RIPOR3: variants seen among roughly 807,000 people sequenced by gnomAD.
RIPOR3 encodes the protein RIPOR family member 3.
In RIPOR3, 95 loss-of-function variants were observed where a neutral mutation model predicts 114.3. The observed-to-expected ratio is 0.83, with a 90% CI of 0.70 to 0.99. RIPOR3 has a LOEUF of 0.99. Ranked by LOEUF, RIPOR3 falls within the 50% of genes least tolerant of loss-of-function variation. The probability of loss-of-function intolerance (pLI) is 0.00; values close to 1 mark genes in which losing one functional copy is unlikely to be tolerated. For missense variants in RIPOR3, 1,252 were observed against 1,266.9 expected, an observed-to-expected ratio of 0.99 and a Z score of 0.18; for synonymous variants, 575 against 543.8, an observed-to-expected ratio of 1.06 and a Z score of -0.80.
chr20:50,587,740 T>C, intron 21 of RIPOR3, 62 bp downstream of exon 21: 2 of 1,520,062 alleles, frequency 1.3e-6, no homozygotes, highest in Non-Finnish European at 9.1e-7. Context: ...GGGTGTGGCC[T>C]CTCGCAGATT....
At chr20:50,638,378 T>C (rs1188996920) in intron 1 of RIPOR3, among the ~76,000 whole-genome samples, 1 of 152,228 alleles carries the variant, frequency 6.6e-6, no homozygotes, top group Admixed American at 6.5e-5. Context: ...GGGAGGCCGC[T>C]TCCCTCTGTC....
chr20:50,587,347 G>A lies in RIPOR3; in HGVS notation c.2753-15C>T. The A allele has an allele frequency of 1.9e-6, 3 of 1,610,392 alleles. No homozygotes were observed. Among genetic ancestry groups the A allele is most frequent in the East Asian group, 2.2e-5 (1 of 44,860 alleles). ...TCCTTTTTCACCTGAAATAGCAAAG[G>A]GACCTGTCAGCGGGTTGGATCCTGC... On this transcript the variant is annotated splice_polypyrimidine_tract_variant and intron_variant, in intron 21 of 21. Transcript: ENST00000327979.
At chr20:50,622,135 A>G (rs1039916263) in intron 2 of RIPOR3, among the ~76,000 whole-genome samples, 1 of 152,038 alleles carries the variant, frequency 6.6e-6, no homozygotes, top group Non-Finnish European at 1.5e-5. Context: ...ATTCTCACAA[A>G]AGAGACATGG....
At position 50,597,661 on chromosome 20, in the gene RIPOR3, C is replaced by G. The variant is rs35965508; in HGVS notation, c.1709G>C (p.Cys570Ser). ...EHTSAESLME[C>S]ILESFAFLNA... ...GAGGAAGGCGAAGCTCTCCAGGATG[C>G]ACTCCATCAGGCTCTCGGCCGAGGT... Residue 570 changes from cysteine (C) to serine (S), a missense_variant, in exon 14 of 22, where the codon TGC becomes TCC. Transcript: ENST00000327979. The G allele has an allele frequency of 0.012, 19,628 of 1,612,142 alleles. 212 individuals are homozygous for G. Among genetic ancestry groups the G allele is most frequent in the African/African-American group, 0.049 (3,697 of 75,000 alleles).
At chr20:50,646,519 ACCCAAAG>A (rs147043607) in intron 1 of RIPOR3, among the ~76,000 whole-genome samples, 3,395 of 152,204 alleles carry the variant, frequency 0.022, 109 homozygotes, top group African/African-American at 0.078. Context: ...ATTTTCTAGA[ACCCAAAG>A]CCTTGAATTT....
intron 1 of RIPOR3, among the ~76,000 whole-genome samples, chr20:50,673,839 C>T (rs1304625495): frequency 2.0e-5 from 3 of 152,180 alleles, no homozygotes; most frequent in East Asian, 1.9e-4. Context: ...TGGAGCGAAT[C>T]GTTGCGAGCA....
At chr20:50,688,123 T>G (rs1307127694) in intron 1 of RIPOR3, among the ~76,000 whole-genome samples, 1 of 152,222 alleles carries the variant, frequency 6.6e-6, no homozygotes, top group Non-Finnish European at 1.5e-5. Context: ...AATATTTTCC[T>G]TTCTAAAAAA....
At chr20:50,627,241 C>T (rs1231914530) in intron 2 of RIPOR3, among the ~76,000 whole-genome samples, 6 of 151,850 alleles carry the variant, frequency 4.0e-5, no homozygotes, top group African/African-American at 9.7e-5. Context: ...TGGCTCACAC[C>T]TGTAATCCCA....
At chr20:50,641,890 C>T (rs1018234573) in intron 1 of RIPOR3, among the ~76,000 whole-genome samples, 17 of 152,164 alleles carry the variant, frequency 1.1e-4, no homozygotes, top group African/African-American at 2.7e-4. Context: ...CAATGCAGGG[C>T]GGTAGCCTCC....
intron 1 of RIPOR3, chr20:50,636,787 G>A (rs573008532): frequency 6.1e-5 from 60 of 985,440 alleles, no homozygotes; most frequent in Non-Finnish European, 6.9e-5. Context: ...AAGTCTGTCC[G>A]CTCACTGCTG....
At position 50,648,001 on chromosome 20, in the gene RIPOR3, C is replaced by T. The variant is rs535329284; in HGVS notation, c.4-17145G>A. Reference sequence around the variant, plus strand: ...GTTAAAATCCAGGGTAGTGGCCAGGCGCGGTGGCTCATGCCTACAATCCTA... The same window carrying T: ...GTTAAAATCCAGGGTAGTGGCCAGGTGCGGTGGCTCATGCCTACAATCCTA... On this transcript the variant is annotated intron_variant, in intron 1 of 21. Coordinates refer to ENST00000327979, the MANE Select transcript of RIPOR3 (RefSeq NM_001290268.2). 6.3e-4 allele frequency among the ~76,000 whole-genome samples: 96 copies of T among 151,988 alleles called. 2 individuals carry two copies. Among genetic ancestry groups the T allele is most frequent in the African/African-American group, 2.0e-3 (84 of 41,490 alleles).
At chr20:50,663,042 G>A (rs1413974895) in intron 1 of RIPOR3, among the ~76,000 whole-genome samples, 2 of 150,876 alleles carry the variant, frequency 1.3e-5, no homozygotes, top group Non-Finnish European at 3.0e-5. Context: ...GGTTGCAGTG[G>A]GCCAAGATCT....
chr20:50,638,440 T>G (rs890632942), intron 1 of RIPOR3, among the ~76,000 whole-genome samples: 9 of 152,348 alleles, frequency 5.9e-5, no homozygotes, highest in African/African-American at 2.2e-4. Flanking sequence ...TTTTCCCAGA[T>G]AAAGATGACT....
chr20:50,607,770 G>A lies in RIPOR3; in HGVS notation c.956+619C>T, dbSNP rs61362784. On this transcript the variant is annotated intron_variant, in intron 11 of 21. Coordinates refer to ENST00000327979, the MANE Select transcript of RIPOR3 (RefSeq NM_001290268.2). Reference sequence around the variant, plus strand: ...TCGGACACCCACCCTAGGGAGAGAGGAGAGAGACCAGCCCCGACTGGCCAG... The same window carrying A: ...TCGGACACCCACCCTAGGGAGAGAGAAGAGAGACCAGCCCCGACTGGCCAG... Among the ~76,000 whole-genome samples the A allele has an allele frequency of 3.6e-3, 545 of 152,296 alleles. 3 individuals are homozygous for A. The highest frequency in any genetic ancestry group is 0.013 in the African/African-American group (522 of 41,568).
chr20:50,690,978 G>T, intron 1 of RIPOR3, 148 bp downstream of exon 1: 3 of 1,005,828 alleles, frequency 3.0e-6, no homozygotes, highest in Non-Finnish European at 4.1e-6. Context: ...TCCCATCTCA[G>T]CCTCAACCCA....
intron 16 of RIPOR3, chr20:50,594,985 G>A (rs2083239322): frequency 2.0e-6 from 1 of 510,190 alleles, no homozygotes; most frequent in Non-Finnish European, 3.5e-6. Flanking sequence ...GGCCTTCTGA[G>A]GGGAGGTCCC....
In RIPOR3 at chr20:50,629,138, C is replaced by A. The variant is rs949069296; in HGVS notation, c.122+1600G>T. 7.9e-5 allele frequency among the ~76,000 whole-genome samples: 12 copies of A among 152,222 alleles called. No individual in the cohort carries two copies. The South Asian group carries it at 8.3e-4, about 11-fold the overall frequency. The stretch of plus-strand genomic sequence containing the variant: ...GAGGCCGGGAGGGGAGGGAGGTAGG[C>A]TGCTGGGGCCAGGTCCCAGGGGCCT... On this transcript the variant is annotated intron_variant, in intron 2 of 21. Transcript: ENST00000327979.
chr20:50,608,409 C>T lies in RIPOR3; in HGVS notation c.936G>A (p.Leu312=), dbSNP rs2083806686. The change falls in exon 11 of 22, where the codon CTG becomes CTA. Residue 312 remains leucine, a synonymous_variant. Coordinates refer to ENST00000327979, the MANE Select transcript of RIPOR3 (RefSeq NM_001290268.2). ...CTCACTTCCACTGCACCTCCAGCTG[C>T]AGCTTGATGGTACCCAACTCCGTGA... ...VDITELGTIK[L]QLEVQWNPFD... The T allele has an allele frequency of 1.2e-6, 2 of 1,613,890 alleles. No individual in the cohort carries two copies. Among genetic ancestry groups the T allele is most frequent in the African/African-American group, 1.3e-5 (1 of 74,908 alleles).
intron 2 of RIPOR3, among the ~76,000 whole-genome samples, chr20:50,626,875 A>G (rs988775575): frequency 4.6e-5 from 7 of 151,868 alleles, no homozygotes; most frequent in South Asian, 2.1e-4. Flanking sequence ...TTAGCTGGGC[A>G]TGGTGGCACA....
Sources: allele counts gnomAD v4.1 joint callset (sites outside exome capture counted in the v4.1 genomes callset), GRCh38; gene constraint gnomAD v4.1.1; transcripts MANE v1.5; gene names NCBI Gene and HGNC (gene_info 2026-07-23, HGNC 2026-07-21).